Variants in CFAP46 observed in about 807,000 individuals in gnomAD.
CFAP46 encodes cilia and flagella associated protein 46, also known as cilia- and flagella-associated protein 46.
In CFAP46, 245 loss-of-function variants were observed where a neutral mutation model predicts 325.7. The ratio of observed to expected loss-of-function variants is 0.75; its 90% CI spans 0.68 to 0.84. CFAP46 has a LOEUF of 0.84. CFAP46 is among the 40% of genes least tolerant of loss of function. CFAP46 has a pLI of 0.00. For synonymous variants in CFAP46, 1,523 were observed against 1,495.9 expected, an observed-to-expected ratio of 1.02 and a Z score of -0.42; for missense variants, 3,346 against 3,543.0, an observed-to-expected ratio of 0.94 and a Z score of 1.41.
At chr10:132,912,875 C>A in intron 18 of CFAP46, 55 bp from the exon 19 acceptor site, 1 of 1,535,882 alleles carries the variant, frequency 6.5e-7, no homozygotes, top group Non-Finnish European at 8.8e-7. Context: ...TCGCCCCGAT[C>A]CCATGTGCTG....
Position 132,885,254 on chromosome 10 carries a change from G to C in CFAP46, c.3476C>G (p.Ala1159Gly), listed in dbSNP as rs1464443892. Reference sequence around the variant, plus strand: ...CATCGAAAAATTCTGCCCGAGCTTGGCCTTCACGATGACCATGTGCTTGAA... The same window carrying C: ...CATCGAAAAATTCTGCCCGAGCTTGCCCTTCACGATGACCATGTGCTTGAA... Reference protein sequence around the residue: ...LIFKHMVIVKAKLGQNFSMEI... With the variant: ...LIFKHMVIVKGKLGQNFSMEI... The change falls in exon 27 of 58, where the codon GCC (alanine) becomes GGC (glycine). Residue 1159 changes from alanine to glycine, a missense_variant. Coordinates refer to ENST00000368586, the MANE Select transcript of CFAP46 (RefSeq NM_001200049.3). 3 of 1,549,590 alleles carry C rather than the reference G, an allele frequency of 1.9e-6. No homozygotes were observed. The East Asian group carries it at 7.3e-5, about 38-fold the overall frequency.
chr10:132,914,890 C>T (rs955457507), intron 17 of CFAP46, among the ~76,000 whole-genome samples: 1 of 152,222 alleles, frequency 6.6e-6, no homozygotes, highest in Non-Finnish European at 1.5e-5. Context: ...TGTGAAGCGC[C>T]GCCCTCCCTT....
chr10:132,918,972 C>T (rs952371070), intron 15 of CFAP46, among the ~76,000 whole-genome samples: 2 of 152,206 alleles, frequency 1.3e-5, no homozygotes, highest in South Asian at 2.1e-4. Context: ...ACCCATGTCC[C>T]GCTCCACGCT....
chr10:132,899,406 C>A, intron 23 of CFAP46, 129 bp downstream of exon 23: 1 of 1,324,888 alleles, frequency 7.5e-7, no homozygotes, highest in Non-Finnish European at 1.0e-6. Context: ...CTGGCCGCAC[C>A]GGCCACCTCC....
At chr10:132,926,298 G>A (rs888568479) in intron 10 of CFAP46, among the ~76,000 whole-genome samples, 10 of 152,238 alleles carry the variant, frequency 6.6e-5, no homozygotes, top group African/African-American at 2.4e-4. Flanking sequence ...CGTGGGGGCT[G>A]CAGGAGGAGG....
At chr10:132,846,827 T>A (rs987568376) in intron 43 of CFAP46, 105 bp downstream of exon 43, 11 of 1,388,582 alleles carry the variant, frequency 7.9e-6, no homozygotes, top group Non-Finnish European at 1.1e-5. Flanking sequence ...GCCTGCGGCC[T>A]GCTTCTCTAA....
chr10:132,940,004 C>T (rs1409021254), intron 4 of CFAP46, among the ~76,000 whole-genome samples: 1 of 152,162 alleles, frequency 6.6e-6, no homozygotes, highest in African/African-American at 2.4e-5. Context: ...CCCTGAGGGC[C>T]CTGGAGCAGA....
At chr10:132,853,718 CTT>C (rs1037285987) in intron 39 of CFAP46, among the ~76,000 whole-genome samples, 5 of 152,128 alleles carry the variant, frequency 3.3e-5, no homozygotes, top group South Asian at 2.1e-4. Flanking sequence ...CAGGCTATCT[CTT>C]TCTTTTTGAG....
Position 132,865,552 on chromosome 10 carries a change from G to A in CFAP46, c.4890+473C>T, listed in dbSNP as rs147520303. 9.2e-3 allele frequency among the ~76,000 whole-genome samples: 1,406 copies of A among 152,322 alleles called. 11 individuals carry two copies. Among genetic ancestry groups the A allele is most frequent in the South Asian group, 0.043 (209 of 4,826 alleles). On this transcript the variant is annotated intron_variant, in intron 35 of 57. Transcript: ENST00000368586. ...CGTCCCGGGGCTTTCGCTGGGGACC[G>A]TAAGGGTCCCATCCAGGGAGTGAGA...
intron 39 of CFAP46, among the ~76,000 whole-genome samples, chr10:132,853,862 G>T (rs1848598938): frequency 6.6e-6 from 1 of 152,236 alleles, no homozygotes; most frequent in East Asian, 1.9e-4. Flanking sequence ...GAGAAATTGT[G>T]TCTCTCATTT....
chr10:132,843,803 C>T lies in CFAP46; in HGVS notation c.6438+2254G>A, dbSNP rs59833308. 4.5e-4 allele frequency among the ~76,000 whole-genome samples: 35 copies of T among 77,288 alleles called. No homozygotes were observed. In the East Asian group the frequency reaches 0.012, roughly 27 times the overall value. The allele number at this position is 77,288 out of a possible 152,430, so 50.7% of individuals were successfully genotyped here. A position where few individuals can be genotyped will look rare whatever the true frequency, so the allele number is the denominator to read the frequency against. On this transcript the variant is annotated intron_variant, in intron 44 of 57. Transcript: ENST00000368586. Reference sequence around the variant, plus strand: ...CCAGGGTGCTGTGGGGCTCTGGTCTCGGTGGGTGTTCCCAGGGTGCTGTGG... The same window carrying T: ...CCAGGGTGCTGTGGGGCTCTGGTCTTGGTGGGTGTTCCCAGGGTGCTGTGG...
chr10:132,834,236 C>A, intron 48 of CFAP46, 113 bp from the exon 49 acceptor site: 1 of 966,846 alleles, frequency 1.0e-6, no homozygotes, highest in African/African-American at 1.6e-5. Flanking sequence ...CACGAATCCC[C>A]ACGCTCACTT....
chr10:132,848,118 C>T (rs1302873315), intron 41 of CFAP46, among the ~76,000 whole-genome samples: 2 of 152,132 alleles, frequency 1.3e-5, no homozygotes, highest in Non-Finnish European at 1.5e-5. Flanking sequence ...CTGCAGAGTC[C>T]CCAGGACCGA....
chr10:132,869,166 A>C lies in CFAP46; in HGVS notation c.4610+108T>G, dbSNP rs1019168587. 4.5e-6 allele frequency: 4 copies of C among 881,106 alleles called. No individual in the cohort carries two copies. Among genetic ancestry groups the C allele is most frequent in the Non-Finnish European group, 6.6e-6 (4 of 606,870 alleles). The allele number at this position is 881,106 out of a possible 1,614,324, so 54.6% of individuals were successfully genotyped here. The stretch of plus-strand genomic sequence containing the variant: ...TGTCCCCCAAGTGCTCACTCTCCCC[A>C]GAGGGGCAGGAGTCCAGGGAAGAGG... On this transcript the variant is annotated intron_variant, in intron 33 of 57. Coordinates refer to ENST00000368586, the MANE Select transcript of CFAP46 (RefSeq NM_001200049.3). The surrounding 1 kb of genome is among the most constrained non-coding windows in gnomAD (Gnocchi z 6.2).
At chr10:132,912,597 C>CCT in intron 19 of CFAP46, 58 bp downstream of exon 19, 2 of 1,281,448 alleles carry the variant, frequency 1.6e-6, no homozygotes, top group Non-Finnish European at 2.1e-6. Flanking sequence ...CTCTCTCTCT[C>CCT]CTCTCTCCTC....
intron 20 of CFAP46, among the ~76,000 whole-genome samples, chr10:132,909,523 G>GGCT (rs1397878776): frequency 6.6e-6 from 1 of 152,190 alleles, no homozygotes; most frequent in Non-Finnish European, 1.5e-5. Context: ...CTGACATGGT[G>GGCT]GCTGCTGGGG....
chr10:132,882,052 T>G (rs961098694), intron 27 of CFAP46, among the ~76,000 whole-genome samples: 4 of 146,394 alleles, frequency 2.7e-5, no homozygotes, highest in African/African-American at 7.7e-5. Context: ...ATGTGGGGGG[T>G]GTGTGGTGCG....
intron 17 of CFAP46, among the ~76,000 whole-genome samples, chr10:132,913,836 C>A (rs578071004): frequency 6.6e-6 from 1 of 151,892 alleles, no homozygotes; most frequent in South Asian, 2.1e-4. Context: ...CACCCCTCCA[C>A]CCAGCCCCCC....
intron 7 of CFAP46, among the ~76,000 whole-genome samples, chr10:132,936,241 C>T (rs1443937663): frequency 2.3e-4 from 17 of 73,566 alleles, no homozygotes; most frequent in Admixed American, 6.1e-4. Context: ...AAACCCACTG[C>T]GATCTCCTCA....
Sources: gnomAD v4.1 joint callset for allele counts (sites outside exome capture counted in the v4.1 genomes callset) on GRCh38, gnomAD v4.1.1 for gene constraint, Gnocchi (gnomAD v3.1) non-coding constraint, MANE v1.5 for transcripts, NCBI Gene and HGNC (gene_info 2026-07-23, HGNC 2026-07-21) for gene names.